MYO1H: variants seen among roughly 807,000 people sequenced by gnomAD.
MYO1H encodes myosin IH, also known as unconventional myosin-Ih.
In MYO1H, 118 loss-of-function variants were observed where a neutral mutation model predicts 149.3. The observed-to-expected ratio is 0.79, with a 90% confidence interval of 0.68 to 0.92. MYO1H has a LOEUF of 0.92. MYO1H is among the 40% of genes least tolerant of loss of function. The pLI is 0.00. For missense variants in MYO1H, 1,212 were observed against 1,280.7 expected, an observed-to-expected ratio of 0.95 and a Z score of 0.82; for synonymous variants, 447 against 465.2, an observed-to-expected ratio of 0.96 and a Z score of 0.50.
intron 16 of MYO1H, among the ~76,000 whole-genome samples, chr12:109,424,432 G>A (rs1566037524): frequency 6.6e-6 from 1 of 152,188 alleles, no homozygotes; most frequent in Non-Finnish European, 1.5e-5. Flanking sequence ...GGGATTACAA[G>A]CCTGAGCCCC....
the MYO1H span, among the ~76,000 whole-genome samples, chr12:109,321,899 C>T: frequency 6.8e-4 from 104 of 152,204 alleles, no homozygotes; most frequent in Non-Finnish European, 1.3e-3. Flanking sequence ...GATGTAATTA[C>T]GCATGCAATG....
At chr12:109,371,215 T>TTC (rs1485145984) in intron 1 of MYO1H, among the ~76,000 whole-genome samples, 11 of 124,884 alleles carry the variant, frequency 8.8e-5, no homozygotes, top group East Asian at 2.0e-4. Flanking sequence ...TTTTCTTTCT[T>TTC]TTTTTTTTTT....
chr12:109,438,958 C>T (rs1460223746), intron 23 of MYO1H, among the ~76,000 whole-genome samples: 1 of 152,214 alleles, frequency 6.6e-6, no homozygotes, highest in Non-Finnish European at 1.5e-5. Context: ...CTCAGTCTAC[C>T]TCAAGGTGGG....
intron 6 of MYO1H, among the ~76,000 whole-genome samples, chr12:109,401,698 T>C (rs987054697): frequency 6.6e-6 from 1 of 152,102 alleles, no homozygotes; most frequent in Non-Finnish European, 1.5e-5. Flanking sequence ...TGTCCAACTA[T>C]GCCCCAAACC....
chr12:109,438,575 G>C, exon 23 of MYO1H: 5 of 1,613,372 alleles, frequency 3.1e-6, no homozygotes, highest in Non-Finnish European at 4.2e-6. Context: ...GCCCTGGCTC[G>C]GAAGGCAATC....
chr12:109,433,641 A>G (rs1490190908), intron 20 of MYO1H, among the ~76,000 whole-genome samples: 2 of 152,206 alleles, frequency 1.3e-5, no homozygotes, highest in Non-Finnish European at 2.9e-5. Flanking sequence ...GATCCTGTTC[A>G]TGGGCTTTCC....
upstream of MYO1H, among the ~76,000 whole-genome samples, chr12:109,346,973 T>C (rs182967117): frequency 1.4e-4 from 21 of 152,304 alleles, no homozygotes; most frequent in African/African-American, 4.3e-4. Flanking sequence ...ATTAGCATAT[T>C]TCTGCTCTTG....
At chr12:109,339,166 A>G in the MYO1H span, among the ~76,000 whole-genome samples, 3 of 152,096 alleles carry the variant, frequency 2.0e-5, no homozygotes, top group African/African-American at 7.2e-5. Context: ...GGAGTTGGAG[A>G]CCAGCCTGGC....
chr12:109,351,217 C>A (rs1868454818), intron 1 of MYO1H, among the ~76,000 whole-genome samples: 1 of 152,148 alleles, frequency 6.6e-6, no homozygotes, highest in African/African-American at 2.4e-5. Context: ...ACTGATCTTA[C>A]TATCACTGAT....
intron 19 of MYO1H, among the ~76,000 whole-genome samples, chr12:109,427,923 T>A (rs1177886488): frequency 1.2e-5 from 1 of 82,544 alleles, no homozygotes; most frequent in African/African-American, 4.3e-5. Flanking sequence ...TATATATATA[T>A]ATATATATAT....
At chr12:109,368,616 G>A in intron 1 of MYO1H, among the ~76,000 whole-genome samples, 1 of 128,110 alleles carries the variant, frequency 7.8e-6, no homozygotes, top group African/African-American at 2.8e-5. Context: ...AGATCAGCCT[G>A]GGCAACAAAG....
chr12:109,364,518 T>C (rs1008859947), intron 1 of MYO1H, among the ~76,000 whole-genome samples: 1 of 151,942 alleles, frequency 6.6e-6, no homozygotes, highest in Non-Finnish European at 1.5e-5. Context: ...AGAGATGGGG[T>C]TTCTCCATAT....
chr12:109,321,336 G>T, the MYO1H span, among the ~76,000 whole-genome samples: 1 of 152,024 alleles, frequency 6.6e-6, no homozygotes, highest in Non-Finnish European at 1.5e-5. Flanking sequence ...GATCACTTGA[G>T]GTCAGGAGTT....
intron 1 of MYO1H, among the ~76,000 whole-genome samples, chr12:109,381,811 G>A (rs369094363): frequency 6.6e-6 from 1 of 151,588 alleles, no homozygotes; most frequent in South Asian, 2.1e-4. Flanking sequence ...GGGCAACAGA[G>A]CAAGACTCTG....
chr12:109,325,601 C>T, the MYO1H span, among the ~76,000 whole-genome samples: 2 of 152,132 alleles, frequency 1.3e-5, no homozygotes, highest in African/African-American at 4.8e-5. Flanking sequence ...AATTAAAGAG[C>T]TTTTGCACAG....
At chr12:109,310,738 A>G in the MYO1H span, among the ~76,000 whole-genome samples, 1 of 152,132 alleles carries the variant, frequency 6.6e-6, no homozygotes, top group African/African-American at 2.4e-5. Context: ...TGTCCTCACA[A>G]ATGGTTTTCT....
rs1242542496 is a variant in MYO1H, at chr12:109,441,663, G to A, written c.2587G>A (p.Gly863Ser). ...TGAAATCTTCAGGGGAAGGAAAGAC[G>A]GCTACACAGAAAGTTTAAATCAACC... Residue 863 changes from glycine to serine, a missense_variant, in exon 26 of 32, where the codon GGC (glycine) becomes AGC (serine). Transcript: ENST00000310903. The A allele has an allele frequency of 2.5e-6, 4 of 1,613,296 alleles. No individual in the cohort carries two copies. The highest frequency in any genetic ancestry group is 1.7e-5 in the Admixed American group (1 of 59,902).
chr12:109,382,355 A>T (rs1490360020), intron 1 of MYO1H, among the ~76,000 whole-genome samples: 1 of 152,198 alleles, frequency 6.6e-6, no homozygotes. Context: ...AAATTCTACA[A>T]GACAGATTGT....
exon 3 of MYO1H, chr12:109,393,410 A>G: frequency 6.3e-7 from 1 of 1,587,958 alleles, no homozygotes; most frequent in Non-Finnish European, 8.6e-7. Flanking sequence ...ATGGAACTTT[A>G]TCAAGGGGTC....
Sources: allele counts gnomAD v4.1 joint callset (sites outside exome capture counted in the v4.1 genomes callset), GRCh38; gene constraint gnomAD v4.1.1; transcripts MANE v1.5; gene names NCBI Gene and HGNC (gene_info 2026-07-23, HGNC 2026-07-21).